Variants in SNX29 observed in about 807,000 individuals in gnomAD.
The protein encoded by SNX29 is sorting nexin-29.
Under a neutral mutation model 102.1 loss-of-function variants are expected in SNX29, and 78 were observed. The ratio of observed to expected loss-of-function variants is 0.76; its 90% CI spans 0.64 to 0.92. The LOEUF (loss-of-function observed/expected upper bound fraction) is 0.92. SNX29 is among the 40% of genes least tolerant of loss of function. The pLI, the probability that SNX29 is intolerant of heterozygous loss-of-function variation, is 0.00. For missense variants in SNX29, 1,280 were observed against 1,061.7 expected (o/e 1.21, Z -2.86); for synonymous variants, 580 against 414.5 (o/e 1.40, Z -4.85).
At chr16:12,157,929 G>A (rs185036616) in intron 13 of SNX29, among the ~76,000 whole-genome samples, 7 of 152,310 alleles carry the variant, frequency 4.6e-5, no homozygotes, top group Admixed American at 2.0e-4. Context: ...TGAAGGCGCC[G>A]TGATTCCCTC....
At chr16:12,567,695 G>A (rs1018584009) in intron 20 of SNX29, among the ~76,000 whole-genome samples, 11 of 152,136 alleles carry the variant, frequency 7.2e-5, no homozygotes, top group Admixed American at 2.0e-4. Context: ...CCAGGAGATC[G>A]AGGCTGCAGC....
chr16:12,537,646 C>T (rs1016052623), intron 20 of SNX29, among the ~76,000 whole-genome samples: 4 of 152,142 alleles, frequency 2.6e-5, no homozygotes, highest in African/African-American at 4.8e-5. Context: ...GATATTATTA[C>T]AGTTGTTTGC....
chr16:12,122,298 C>G (rs1376963195), intron 11 of SNX29, among the ~76,000 whole-genome samples: 5 of 152,146 alleles, frequency 3.3e-5, no homozygotes, highest in African/African-American at 1.2e-4. Context: ...TTCTGGAAGA[C>G]TCTACATGAT....
intron 20 of SNX29, among the ~76,000 whole-genome samples, chr16:12,552,451 C>T (rs979922600): frequency 2.0e-5 from 3 of 152,298 alleles, no homozygotes; most frequent in African/African-American, 4.8e-5. Flanking sequence ...GAGTGAAATA[C>T]CTCGGGTCCA....
intron 18 of SNX29, among the ~76,000 whole-genome samples, chr16:12,446,119 A>G (rs2086041201): frequency 7.1e-6 from 1 of 140,690 alleles, no homozygotes; most frequent in Non-Finnish European, 1.5e-5. Flanking sequence ...GCAGCGGTGC[A>G]ATCTCGGCTC....
At chr16:12,435,772 G>C (rs1597372317) in intron 18 of SNX29, among the ~76,000 whole-genome samples, 1 of 152,330 alleles carries the variant, frequency 6.6e-6, no homozygotes, top group African/African-American at 2.4e-5. Context: ...CCTTGCAGCA[G>C]AGCCAGCCAC....
At chr16:12,478,216 A>G (rs1340319578) in intron 19 of SNX29, among the ~76,000 whole-genome samples, 1 of 152,236 alleles carries the variant, frequency 6.6e-6, no homozygotes, top group Non-Finnish European at 1.5e-5. Flanking sequence ...ACAGACACAA[A>G]TGAGTATGGC....
chr16:12,263,667 A>C (rs2078844335), intron 14 of SNX29, among the ~76,000 whole-genome samples: 1 of 152,242 alleles, frequency 6.6e-6, no homozygotes, highest in Non-Finnish European at 1.5e-5. Flanking sequence ...TTAAAGAAAC[A>C]AAGAGAAAAC....
intron 15 of SNX29, among the ~76,000 whole-genome samples, chr16:12,333,322 G>A (rs969722536): frequency 2.6e-5 from 4 of 151,840 alleles, no homozygotes; most frequent in South Asian, 2.1e-4. Context: ...GGTCAGGCTC[G>A]TCTTGAACTC....
intron 18 of SNX29, among the ~76,000 whole-genome samples, chr16:12,457,108 A>G (rs1024546807): frequency 1.3e-5 from 2 of 152,180 alleles, no homozygotes; most frequent in African/African-American, 4.8e-5. Flanking sequence ...CAATACATTC[A>G]GGGCAGGTCA....
chr16:12,397,399 T>C (rs1052784629), intron 16 of SNX29, among the ~76,000 whole-genome samples: 18 of 152,220 alleles, frequency 1.2e-4, no homozygotes, highest in Admixed American at 7.2e-4. Flanking sequence ...TTTTACAGCC[T>C]CCCTGAGCCT....
At chr16:12,333,218 G>T (rs1000060197) in intron 15 of SNX29, among the ~76,000 whole-genome samples, 1 of 149,078 alleles carries the variant, frequency 6.7e-6, no homozygotes, top group African/African-American at 2.5e-5. Context: ...TGATTGTCCT[G>T]CCTCAGCCTC....
chr16:12,403,189 A>G (rs2084016385), intron 17 of SNX29, among the ~76,000 whole-genome samples: 1 of 144,390 alleles, frequency 6.9e-6, no homozygotes, highest in African/African-American at 2.7e-5. Flanking sequence ...TCCGGAGTAC[A>G]GATTGTGTGT....
chr16:12,563,472 G>C (rs932756013), intron 20 of SNX29, among the ~76,000 whole-genome samples: 3 of 152,214 alleles, frequency 2.0e-5, no homozygotes, highest in South Asian at 2.1e-4. Flanking sequence ...TAGGGTAAAA[G>C]GCTCAAGGAA....
intron 20 of SNX29, among the ~76,000 whole-genome samples, chr16:12,530,155 C>A (rs1439179720): frequency 6.6e-6 from 1 of 152,202 alleles, no homozygotes; most frequent in Non-Finnish European, 1.5e-5. Flanking sequence ...GAGTTTGAGA[C>A]CCCTGGTAGC....
chr16:12,185,293 A>G (rs1165937124), intron 13 of SNX29, among the ~76,000 whole-genome samples: 2 of 152,160 alleles, frequency 1.3e-5, no homozygotes, highest in Non-Finnish European at 2.9e-5. Context: ...TGGCTGGTCT[A>G]AAGGGGCATC....
chr16:12,450,643 AAG>A (rs1481750500), intron 18 of SNX29, among the ~76,000 whole-genome samples: 1 of 152,212 alleles, frequency 6.6e-6, no homozygotes, highest in African/African-American at 2.4e-5. Flanking sequence ...ACGGTTACCA[AAG>A]AGGGTGCAAT....
chr16:12,532,598 C>G (rs1025455219), intron 20 of SNX29, among the ~76,000 whole-genome samples: 13 of 151,880 alleles, frequency 8.6e-5, no homozygotes, highest in African/African-American at 3.2e-4. Context: ...CCCAGTCTGT[C>G]TGAGGTATTT....
chr16:12,538,182 C>T (rs989857295), intron 20 of SNX29, among the ~76,000 whole-genome samples: 4 of 152,106 alleles, frequency 2.6e-5, no homozygotes, highest in African/African-American at 9.7e-5. Flanking sequence ...GTGGTGTGAT[C>T]TAGGCTCACC....
Sources: allele counts gnomAD v4.1 joint callset (sites outside exome capture counted in the v4.1 genomes callset), GRCh38; gene constraint gnomAD v4.1.1; transcripts MANE v1.5; gene names NCBI Gene and HGNC (gene_info 2026-07-23, HGNC 2026-07-21).